The following FHIT variants were observed in gnomAD, a reference collection of about 807,000 sequenced individuals.
FHIT encodes the protein bis(5'-adenosyl)-triphosphatase.
A neutral mutation model predicts 17.9 loss-of-function variants in FHIT; 19 were observed. The observed-to-expected ratio is 1.06, with a 90% confidence interval of 0.74 to 1.56. The LOEUF (loss-of-function observed/expected upper bound fraction) is 1.56. Among genes scored for constraint, FHIT ranks in the 40% most tolerant of loss-of-function variants. The pLI is 0.00. For missense variants in FHIT, 248 were observed against 189.2 expected (o/e 1.31, Z -1.82); for synonymous variants, 81 against 69.7 (o/e 1.16, Z -0.81).
At chr3:60,264,957 G>A (rs1479774823) in intron 5 of FHIT, among the ~76,000 whole-genome samples, 7 of 151,530 alleles carry the variant, frequency 4.6e-5, no homozygotes, top group Non-Finnish European at 1.0e-4. Flanking sequence ...CTATGTCTGC[G>A]CTTTACACAT....
At chr3:60,023,144 C>G (rs1454997816) in intron 5 of FHIT, among the ~76,000 whole-genome samples, 1 of 152,086 alleles carries the variant, frequency 6.6e-6, no homozygotes, top group African/African-American at 2.4e-5. Context: ...CACTCAGCAG[C>G]TGAAGAAATA....
intron 3 of FHIT, among the ~76,000 whole-genome samples, chr3:60,845,880 C>A (rs1702909848): frequency 6.6e-6 from 1 of 152,038 alleles, no homozygotes; most frequent in Non-Finnish European, 1.5e-5. Flanking sequence ...CTGTCAGTGT[C>A]AAATACATAA....
intron 3 of FHIT, among the ~76,000 whole-genome samples, chr3:60,882,610 C>A (rs114661366): frequency 6.6e-6 from 1 of 152,088 alleles, no homozygotes; most frequent in Non-Finnish European, 1.5e-5. Context: ...AAATGAAAGA[C>A]AAACACCATA....
chr3:60,475,464 C>T (rs1394158383), intron 5 of FHIT, among the ~76,000 whole-genome samples: 1 of 152,150 alleles, frequency 6.6e-6, no homozygotes, highest in Admixed American at 6.5e-5. Context: ...TTTAGAGAAA[C>T]TCATACTGGC....
At chr3:60,058,242 T>G (rs1266613364) in intron 5 of FHIT, among the ~76,000 whole-genome samples, 5 of 144,020 alleles carry the variant, frequency 3.5e-5, no homozygotes, top group Non-Finnish European at 6.0e-5. Context: ...CCTCCTGGGT[T>G]CAAGCAATTC....
chr3:60,715,271 T>A (rs1304228466), intron 4 of FHIT, among the ~76,000 whole-genome samples: 1 of 152,232 alleles, frequency 6.6e-6, no homozygotes, highest in East Asian at 1.9e-4. Flanking sequence ...TTACACCTTA[T>A]ACAAAAATCA....
intron 4 of FHIT, among the ~76,000 whole-genome samples, chr3:60,663,692 T>A (rs2107829870): frequency 6.6e-6 from 1 of 152,274 alleles, no homozygotes; most frequent in Admixed American, 6.5e-5. Flanking sequence ...GTGCAGGGAT[T>A]ACAGGCATGA....
intron 5 of FHIT, among the ~76,000 whole-genome samples, chr3:60,123,726 G>C (rs1289523649): frequency 6.6e-6 from 1 of 151,606 alleles, no homozygotes; most frequent in African/African-American, 2.4e-5. Context: ...CTCTAATCAT[G>C]AGAGAACGCC....
intron 3 of FHIT, among the ~76,000 whole-genome samples, chr3:60,842,676 C>A (rs1197947248): frequency 1.8e-5 from 2 of 109,056 alleles, no homozygotes; most frequent in Non-Finnish European, 3.7e-5. Context: ...CCTTGCTAGG[C>A]AAAGGAGACA....
intron 7 of FHIT, among the ~76,000 whole-genome samples, chr3:59,949,998 G>A (rs1420176539): frequency 6.6e-6 from 1 of 152,160 alleles, no homozygotes; most frequent in East Asian, 1.9e-4. Flanking sequence ...CCAGGCCTCA[G>A]GAGGAACTGC....
intron 5 of FHIT, among the ~76,000 whole-genome samples, chr3:60,070,806 A>G (rs1702734741): frequency 6.6e-6 from 1 of 152,192 alleles, no homozygotes; most frequent in Admixed American, 6.5e-5. Flanking sequence ...TACGCCTTTT[A>G]GGTAAATTCC....
chr3:59,895,250 T>G (rs1704020179), intron 8 of FHIT, among the ~76,000 whole-genome samples: 1 of 152,262 alleles, frequency 6.6e-6, no homozygotes, highest in African/African-American at 2.4e-5. Flanking sequence ...GTGGACTCAT[T>G]GCTAAATGTT....
chr3:59,807,264 C>T (rs998757847), intron 8 of FHIT, among the ~76,000 whole-genome samples: 5 of 152,188 alleles, frequency 3.3e-5, no homozygotes, highest in African/African-American at 4.8e-5. Context: ...AATCCAATGT[C>T]ACACATTGCG....
intron 2 of FHIT, among the ~76,000 whole-genome samples, chr3:61,118,918 G>A (rs758878894): frequency 6.6e-6 from 1 of 152,086 alleles, no homozygotes; most frequent in Non-Finnish European, 1.5e-5. Context: ...GACCCATCAT[G>A]GCATTGAGGG....
chr3:60,159,874 A>T (rs1195913808), intron 5 of FHIT, among the ~76,000 whole-genome samples: 1 of 152,146 alleles, frequency 6.6e-6, no homozygotes, highest in Non-Finnish European at 1.5e-5. Context: ...CTCACACTCA[A>T]CAGCGGCTCC....
At chr3:61,129,304 G>A (rs914383382) in intron 2 of FHIT, among the ~76,000 whole-genome samples, 3 of 152,164 alleles carry the variant, frequency 2.0e-5, no homozygotes, top group Non-Finnish European at 4.4e-5. Context: ...AAATGAGAAA[G>A]CAATTTGTGG....
At chr3:60,074,266 C>G (rs1356773077) in intron 5 of FHIT, among the ~76,000 whole-genome samples, 1 of 151,968 alleles carries the variant, frequency 6.6e-6, no homozygotes, top group Non-Finnish European at 1.5e-5. Context: ...AACTGATGCA[C>G]CCATACAAAT....
At chr3:60,344,921 A>T (rs1190487151) in intron 5 of FHIT, among the ~76,000 whole-genome samples, 3 of 152,156 alleles carry the variant, frequency 2.0e-5, no homozygotes, top group African/African-American at 7.2e-5. Context: ...ATAATGAATC[A>T]TTTATACCTC....
At chr3:60,147,386 T>G (rs775283409) in intron 5 of FHIT, among the ~76,000 whole-genome samples, 16 of 152,302 alleles carry the variant, frequency 1.1e-4, no homozygotes, top group Non-Finnish European at 1.8e-4. Context: ...GCAGCAGCTC[T>G]GGGTTTCGAA....
Sources: allele counts gnomAD v4.1 joint callset (sites outside exome capture counted in the v4.1 genomes callset), GRCh38; gene constraint gnomAD v4.1.1; transcripts MANE v1.5; gene names NCBI Gene and HGNC (gene_info 2026-07-23, HGNC 2026-07-21).